The following TAFA1 variants were observed in gnomAD, a reference collection of about 807,000 sequenced individuals.
TAFA1 encodes the protein chemokine-like protein TAFA-1.
TAFA1 carries 4 observed loss-of-function variants against 18.5 expected under a neutral mutation model. The observed-to-expected ratio is 0.22, with a 90% CI of 0.11 to 0.49. TAFA1 has a LOEUF of 0.49. Ranked by LOEUF, TAFA1 falls within the 20% of genes least tolerant of loss-of-function variation. The probability of loss-of-function intolerance (pLI) is 0.98; values close to 1 mark genes in which losing one functional copy is unlikely to be tolerated. For synonymous variants in TAFA1, 56 were observed against 55.2 expected, an observed-to-expected ratio of 1.01 and a Z score of -0.06; for missense variants, 147 against 169.0, an observed-to-expected ratio of 0.87 and a Z score of 0.72.
At chr3:67,996,290 G>A in the TAFA1 span, among the ~76,000 whole-genome samples, 1 of 152,182 alleles carries the variant, frequency 6.6e-6, no homozygotes, top group Non-Finnish European at 1.5e-5. Context: ...AAATAGGTGT[G>A]GATATCAGTA....
Position 68,538,780 on chromosome 3 carries a change from G to A in TAFA1, c.284G>A (p.Trp95Ter). ...GCCTCCATAGTGATTGGGAAATGGT[G>A]GTGTGAGATGGAGCCTTGCCTAGAA... The part of the protein sequence containing the change: ...VDASIVIGKW[W>*]CEMEPCLEGE... Residue 95 changes from tryptophan to a stop codon, truncating the protein, a stop_gained, in exon 4 of 5, where the codon TGG (tryptophan) becomes TAG (stop). Transcript: ENST00000478136. LOFTEE classifies it high-confidence loss of function. 1 of 1,613,480 alleles carries A rather than the reference G, an allele frequency of 6.2e-7. No homozygotes were observed. The highest frequency in any genetic ancestry group is 8.5e-7 in the Non-Finnish European group (1 of 1,179,600).
At chr3:68,471,289 C>T (rs564705933) in intron 3 of TAFA1, among the ~76,000 whole-genome samples, 11 of 152,292 alleles carry the variant, frequency 7.2e-5, no homozygotes, top group South Asian at 4.1e-4. Context: ...GTGTGAGGTA[C>T]GAGCCCCCAC....
At chr3:68,057,681 A>G (rs1379161402) in intron 2 of TAFA1, among the ~76,000 whole-genome samples, 1 of 152,184 alleles carries the variant, frequency 6.6e-6, no homozygotes, top group East Asian at 1.9e-4. Context: ...GGATCTTGGT[A>G]TGGGAAGATT....
At chr3:68,419,845 C>T (rs1445002741) in intron 3 of TAFA1, among the ~76,000 whole-genome samples, 1 of 152,130 alleles carries the variant, frequency 6.6e-6, no homozygotes, top group Non-Finnish European at 1.5e-5. Flanking sequence ...TCGCGGTGAA[C>T]CAATTAAAGG....
intron 2 of TAFA1, among the ~76,000 whole-genome samples, chr3:68,093,933 T>C (rs2065057101): frequency 1.3e-5 from 2 of 152,108 alleles, no homozygotes; most frequent in African/African-American, 2.4e-5. Flanking sequence ...TGTCTCTTGA[T>C]ATGGAAAGGA....
At chr3:68,005,749 G>A (rs1559698715) in intron 1 of TAFA1, among the ~76,000 whole-genome samples, 2 of 152,200 alleles carry the variant, frequency 1.3e-5, no homozygotes, top group African/African-American at 4.8e-5. Context: ...GGTGCTTCAA[G>A]TTTGATTAAT....
At chr3:68,088,432 A>AT (rs1372009860) in intron 2 of TAFA1, among the ~76,000 whole-genome samples, 4 of 152,132 alleles carry the variant, frequency 2.6e-5, no homozygotes, top group African/African-American at 7.2e-5. Flanking sequence ...AGAGCCAGGG[A>AT]TTTTCAATAT....
chr3:68,142,833 T>C (rs2065685537), intron 2 of TAFA1, among the ~76,000 whole-genome samples: 1 of 152,178 alleles, frequency 6.6e-6, no homozygotes, highest in Non-Finnish European at 1.5e-5. Context: ...AGGGTTGCCC[T>C]TCTGGAAAGC....
At chr3:68,120,265 T>TTTC (rs1559527733) in intron 2 of TAFA1, among the ~76,000 whole-genome samples, 7 of 135,426 alleles carry the variant, frequency 5.2e-5, no homozygotes, top group African/African-American at 2.0e-4. Context: ...TTCTTTCTTT[T>TTTC]TTGAGACAGA....
chr3:68,497,976 A>G (rs2072579201), intron 3 of TAFA1, among the ~76,000 whole-genome samples: 1 of 152,192 alleles, frequency 6.6e-6, no homozygotes, highest in Non-Finnish European at 1.5e-5. Context: ...CAAAGGATCC[A>G]CTTGGATCTG....
intron 2 of TAFA1, among the ~76,000 whole-genome samples, chr3:68,218,475 T>G (rs568258547): frequency 6.6e-6 from 1 of 152,170 alleles, no homozygotes; most frequent in East Asian, 1.9e-4. Flanking sequence ...AATGAGTCGA[T>G]GGGGCGTCAG....
At chr3:68,476,122 G>A (rs557913234) in intron 3 of TAFA1, among the ~76,000 whole-genome samples, 47 of 152,120 alleles carry the variant, frequency 3.1e-4, no homozygotes, top group Non-Finnish European at 5.7e-4. Context: ...AGGACTTCAT[G>A]TCTAAAACAC....
At chr3:68,234,943 T>A (rs1235568941) in intron 2 of TAFA1, among the ~76,000 whole-genome samples, 1 of 152,184 alleles carries the variant, frequency 6.6e-6, no homozygotes, top group Non-Finnish European at 1.5e-5. Context: ...GATCCTTGAA[T>A]GAATTAGTGA....
intron 2 of TAFA1, among the ~76,000 whole-genome samples, chr3:68,097,167 C>T (rs1162699863): frequency 6.6e-6 from 1 of 152,120 alleles, no homozygotes; most frequent in Non-Finnish European, 1.5e-5. Flanking sequence ...AAATGATCGC[C>T]TGACACACAA....
intron 2 of TAFA1, among the ~76,000 whole-genome samples, chr3:68,400,412 C>G (rs1439560254): frequency 6.6e-6 from 1 of 152,134 alleles, no homozygotes; most frequent in Non-Finnish European, 1.5e-5. Flanking sequence ...AATTACAAAA[C>G]TATAGTGCAT....
At chr3:68,316,555 C>G (rs1430534379) in intron 2 of TAFA1, among the ~76,000 whole-genome samples, 1 of 152,264 alleles carries the variant, frequency 6.6e-6, no homozygotes, top group Non-Finnish European at 1.5e-5. Flanking sequence ...CATCTCCTTT[C>G]AGACAAAGGA....
At chr3:68,024,338 G>A (rs1704765690) in intron 2 of TAFA1, among the ~76,000 whole-genome samples, 1 of 151,936 alleles carries the variant, frequency 6.6e-6, no homozygotes, top group Admixed American at 6.6e-5. Flanking sequence ...TGATAGCAGG[G>A]GACATTGCAA....
At position 68,007,414 on chromosome 3, in the gene TAFA1, C is replaced by G. The variant is rs1014294489; in HGVS notation, c.118+670C>G. ...CTTAATGTTCAAAGTATATTTCTCA[C>G]CCTTCCACGGCCTCGCTCTTCATTC... On this transcript the variant is annotated intron_variant, in intron 2 of 4. Transcript: ENST00000478136. Among the ~76,000 whole-genome samples, 25 of 152,258 alleles carry G rather than the reference C, an allele frequency of 1.6e-4. No homozygotes were observed. The East Asian group carries it at 4.6e-3, about 28-fold the overall frequency.
At chr3:68,342,793 C>A (rs1032084220) in intron 2 of TAFA1, among the ~76,000 whole-genome samples, 2 of 152,136 alleles carry the variant, frequency 1.3e-5, no homozygotes, top group African/African-American at 4.8e-5. Context: ...TTGTGCTTAG[C>A]GAGTTAGGCG....
Sources: allele counts gnomAD v4.1 joint callset (sites outside exome capture counted in the v4.1 genomes callset), GRCh38; gene constraint gnomAD v4.1.1; transcripts MANE v1.5; gene names NCBI Gene and HGNC (gene_info 2026-07-23, HGNC 2026-07-21).